KCNIP4: variants seen among roughly 807,000 people sequenced by gnomAD.
KCNIP4 encodes the protein Kv channel-interacting protein 4.
Under a neutral mutation model 34.0 loss-of-function variants are expected in KCNIP4, and 12 were observed. The observed-to-expected ratio is 0.35, with a 90% CI of 0.23 to 0.57. KCNIP4 has a LOEUF of 0.57. Ranked by LOEUF, KCNIP4 falls within the 20% of genes least tolerant of loss-of-function variation. The probability of loss-of-function intolerance (pLI) is 0.83; values close to 1 mark genes in which losing one functional copy is unlikely to be tolerated. For missense variants in KCNIP4, 238 were observed against 311.7 expected (o/e 0.76, Z 1.78); for synonymous variants, 124 against 102.2 (o/e 1.21, Z -1.29).
chr4:21,884,990 T>C (rs949521760), intron 1 of KCNIP4, among the ~76,000 whole-genome samples: 18 of 152,216 alleles, frequency 1.2e-4, no homozygotes, highest in African/African-American at 4.1e-4. Context: ...GATTATTTAA[T>C]TGGGTCCTTC....
At chr4:21,768,642 A>G (rs1423848647) in intron 1 of KCNIP4, among the ~76,000 whole-genome samples, 2 of 152,156 alleles carry the variant, frequency 1.3e-5, no homozygotes, top group Non-Finnish European at 2.9e-5. Context: ...AGTTGGTGTT[A>G]CACTCTCAGA....
At chr4:21,082,987 T>C (rs1746133627) in intron 1 of KCNIP4, among the ~76,000 whole-genome samples, 1 of 151,802 alleles carries the variant, frequency 6.6e-6, no homozygotes, top group Non-Finnish European at 1.5e-5. Context: ...GTCTTATCAT[T>C]GCCATGTTAA....
intron 1 of KCNIP4, among the ~76,000 whole-genome samples, chr4:21,807,268 G>A (rs1025884202): frequency 6.6e-6 from 1 of 152,156 alleles, no homozygotes; most frequent in African/African-American, 2.4e-5. Context: ...CTGCTGTGCT[G>A]CCTGATTCCT....
Position 21,816,999 on chromosome 4 carries a change from G to A in KCNIP4, c.61+131572C>T, listed in dbSNP as rs116070661. Reference sequence around the variant, plus strand: ...ATGCCTGTAAAGCTCTTAGAAAAACGTTTCATAGTATGTGCTTGACAGATG... The same window carrying A: ...ATGCCTGTAAAGCTCTTAGAAAAACATTTCATAGTATGTGCTTGACAGATG... On this transcript the variant is annotated intron_variant, in intron 1 of 8. Coordinates refer to ENST00000382152, the MANE Select transcript of KCNIP4 (RefSeq NM_025221.6). Among the ~76,000 whole-genome samples, 873 of 152,198 alleles carry A rather than the reference G, an allele frequency of 5.7e-3. 1 individual carries two copies. The highest frequency in any genetic ancestry group is 8.5e-3 in the African/African-American group (355 of 41,522).
chr4:21,643,358 C>A (rs1746752500), intron 1 of KCNIP4, among the ~76,000 whole-genome samples: 1 of 152,106 alleles, frequency 6.6e-6, no homozygotes, highest in Admixed American at 6.5e-5. Context: ...AGGGTTAGTG[C>A]ATTTTTAGTT....
At chr4:20,951,036 G>A (rs149215595) in intron 1 of KCNIP4, among the ~76,000 whole-genome samples, 16 of 152,162 alleles carry the variant, frequency 1.1e-4, no homozygotes, top group Admixed American at 1.0e-3. Context: ...GGTTAAATAA[G>A]GTCATAAGGT....
chr4:20,917,554 C>T (rs181188683), intron 1 of KCNIP4, among the ~76,000 whole-genome samples: 2 of 152,230 alleles, frequency 1.3e-5, no homozygotes, highest in African/African-American at 4.8e-5. Flanking sequence ...CATTCCATAA[C>T]CTCAAATGAG....
chr4:20,896,238 T>A (rs1560550840), intron 1 of KCNIP4, among the ~76,000 whole-genome samples: 1 of 152,160 alleles, frequency 6.6e-6, no homozygotes, highest in Admixed American at 6.5e-5. Context: ...GCTATTCATC[T>A]TGGTTCACTT....
At chr4:21,440,749 T>A (rs1727399086) in intron 1 of KCNIP4, among the ~76,000 whole-genome samples, 1 of 152,254 alleles carries the variant, frequency 6.6e-6, no homozygotes, top group Admixed American at 6.5e-5. Context: ...ATCATTTTTA[T>A]ATTGTTAAAA....
intron 1 of KCNIP4, among the ~76,000 whole-genome samples, chr4:21,925,339 T>C (rs999392648): frequency 1.3e-5 from 2 of 151,574 alleles, no homozygotes; most frequent in Admixed American, 1.3e-4. Flanking sequence ...TGGTGTTTGG[T>C]TTTTTGTCCT....
chr4:21,510,041 C>T (rs1054008546), intron 1 of KCNIP4, among the ~76,000 whole-genome samples: 1 of 142,620 alleles, frequency 7.0e-6, no homozygotes, highest in Non-Finnish European at 1.5e-5. Context: ...CGCACCATTG[C>T]ACTCCCACTT....
At chr4:21,156,075 T>C (rs1179058262) in intron 1 of KCNIP4, among the ~76,000 whole-genome samples, 1 of 152,172 alleles carries the variant, frequency 6.6e-6, no homozygotes, top group African/African-American at 2.4e-5. Context: ...TTCAGGTCAA[T>C]ATATTGATTA....
chr4:21,055,029 C>T (rs920894996), intron 1 of KCNIP4, among the ~76,000 whole-genome samples: 1 of 152,030 alleles, frequency 6.6e-6, no homozygotes, highest in Non-Finnish European at 1.5e-5. Context: ...GACAAAGAAT[C>T]ATTTTCCAAA....
chr4:21,261,142 A>G (rs749951389), intron 1 of KCNIP4, among the ~76,000 whole-genome samples: 1 of 152,210 alleles, frequency 6.6e-6, no homozygotes, highest in Non-Finnish European at 1.5e-5. Context: ...CTATTTCCAT[A>G]GAAGGCTTGA....
chr4:21,742,594 C>T (rs1716489437), intron 1 of KCNIP4, among the ~76,000 whole-genome samples: 2 of 152,136 alleles, frequency 1.3e-5, no homozygotes, highest in African/African-American at 4.8e-5. Context: ...GTTACTAAAA[C>T]ATGTGAGATT....
chr4:20,928,816 A>C (rs114262566), intron 1 of KCNIP4, among the ~76,000 whole-genome samples: 34 of 152,098 alleles, frequency 2.2e-4, no homozygotes, highest in African/African-American at 7.9e-4. Flanking sequence ...GGGCTATTAT[A>C]AACAATTATG....
At chr4:21,181,120 A>G (rs550030691) in intron 1 of KCNIP4, among the ~76,000 whole-genome samples, 28 of 152,276 alleles carry the variant, frequency 1.8e-4, no homozygotes, top group Admixed American at 3.9e-4. Flanking sequence ...CCTCAGATGG[A>G]TGCTTAACCA....
chr4:21,569,856 C>T (rs998154617), intron 1 of KCNIP4, among the ~76,000 whole-genome samples: 2 of 151,938 alleles, frequency 1.3e-5, no homozygotes, highest in Admixed American at 6.6e-5. Context: ...GTAGTTGGAC[C>T]TCTTAGGGAA....
intron 1 of KCNIP4, among the ~76,000 whole-genome samples, chr4:21,287,730 G>A (rs78188682): frequency 6.6e-6 from 1 of 152,094 alleles, no homozygotes; most frequent in Non-Finnish European, 1.5e-5. Context: ...AGCCTTGTGA[G>A]GACTTCTGAA....
Sources: gnomAD v4.1 joint callset for allele counts (sites outside exome capture counted in the v4.1 genomes callset) on GRCh38, gnomAD v4.1.1 for gene constraint, MANE v1.5 for transcripts, NCBI Gene and HGNC (gene_info 2026-07-23, HGNC 2026-07-21) for gene names.